The following KHDRBS2 variants were observed in gnomAD, a reference collection of about 807,000 sequenced individuals.
KHDRBS2 encodes the protein KH domain-containing, RNA-binding, signal transduction-associated protein 2.
A neutral mutation model predicts 44.3 loss-of-function variants in KHDRBS2; 26 were observed. The ratio of observed to expected loss-of-function variants is 0.59; its 90% CI spans 0.43 to 0.81. KHDRBS2 has a LOEUF of 0.81. KHDRBS2 is among the 40% of genes least tolerant of loss of function. The pLI, the probability that KHDRBS2 is intolerant of heterozygous loss-of-function variation, is 0.00. For synonymous variants in KHDRBS2, 194 were observed against 151.1 expected (o/e 1.28, Z -2.08); for missense variants, 476 against 433.1 (o/e 1.10, Z -0.88).
intron 4 of KHDRBS2, among the ~76,000 whole-genome samples, chr6:61,911,391 A>G (rs1806023552): frequency 6.6e-6 from 1 of 152,130 alleles, no homozygotes; most frequent in South Asian, 2.1e-4. Context: ...GTTAAAGTGC[A>G]TGTAGATGAC....
chr6:61,710,735 T>G (rs376102814), intron 7 of KHDRBS2, among the ~76,000 whole-genome samples: 161 of 150,494 alleles, frequency 1.1e-3, no homozygotes, highest in African/African-American at 3.8e-3. Flanking sequence ...CCTTTCTCAC[T>G]TGTCTTGTGT....
At chr6:61,836,771 G>A (rs868263209) in intron 6 of KHDRBS2, among the ~76,000 whole-genome samples, 6 of 111,926 alleles carry the variant, frequency 5.4e-5, no homozygotes, top group Middle Eastern at 4.6e-3. Context: ...ACACATACAC[G>A]CATATATACA....
intron 6 of KHDRBS2, among the ~76,000 whole-genome samples, chr6:61,878,426 C>T (rs986704889): frequency 1.3e-5 from 2 of 151,874 alleles, no homozygotes; most frequent in Non-Finnish European, 2.9e-5. Flanking sequence ...CCAAGTGGTT[C>T]CTTGAAGTAT....
chr6:61,746,058 G>A (rs574407221), intron 6 of KHDRBS2, among the ~76,000 whole-genome samples: 2 of 144,450 alleles, frequency 1.4e-5, no homozygotes, highest in Non-Finnish European at 3.2e-5. Context: ...GTTTAGTTTA[G>A]TTTAGTTTAG....
At chr6:61,947,107 A>T (rs1013642586) in intron 4 of KHDRBS2, among the ~76,000 whole-genome samples, 4 of 152,200 alleles carry the variant, frequency 2.6e-5, no homozygotes, top group Non-Finnish European at 5.9e-5. Flanking sequence ...TCTATCTAAA[A>T]CTATATGTCA....
chr6:61,543,785 T>A, the KHDRBS2 span, among the ~76,000 whole-genome samples: 13 of 152,218 alleles, frequency 8.5e-5, no homozygotes, highest in East Asian at 2.1e-3. Context: ...AAGCATGAGA[T>A]CTTGTCGTTT....
chr6:61,736,908 T>C (rs6454687), intron 6 of KHDRBS2, among the ~76,000 whole-genome samples: 8,413 of 152,162 alleles, frequency 0.055, 382 homozygotes, highest in African/African-American at 0.11. Context: ...TTTTCTCTCT[T>C]TTTAGAATTT....
At chr6:61,592,134 C>G in the KHDRBS2 span, among the ~76,000 whole-genome samples, 3 of 140,040 alleles carry the variant, frequency 2.1e-5, no homozygotes, top group African/African-American at 2.7e-5. Flanking sequence ...GAGGCTGCAG[C>G]GAGGCATGAT....
At chr6:62,245,179 TAGA>T (rs1425464999) in intron 1 of KHDRBS2, among the ~76,000 whole-genome samples, 2 of 152,182 alleles carry the variant, frequency 1.3e-5, no homozygotes, top group Admixed American at 1.3e-4. Flanking sequence ...TAATGCTTCC[TAGA>T]AGATTTGCTG....
chr6:61,800,501 C>T (rs2127589293), intron 6 of KHDRBS2, among the ~76,000 whole-genome samples: 1 of 152,220 alleles, frequency 6.6e-6, no homozygotes, highest in Non-Finnish European at 1.5e-5. Flanking sequence ...TGGATCTATA[C>T]TGGGACATAG....
At chr6:61,616,088 G>A in the KHDRBS2 span, among the ~76,000 whole-genome samples, 8 of 152,128 alleles carry the variant, frequency 5.3e-5, no homozygotes, top group African/African-American at 9.7e-5. Context: ...TATCAAAATG[G>A]CATTTCCTTT....
chr6:61,819,138 C>T (rs1789468939), intron 6 of KHDRBS2, among the ~76,000 whole-genome samples: 1 of 151,686 alleles, frequency 6.6e-6, no homozygotes, highest in Non-Finnish European at 1.5e-5. Flanking sequence ...ACTGAGAAAT[C>T]TTTAGCCCTT....
chr6:62,037,606 C>A (rs2127297026), intron 3 of KHDRBS2, among the ~76,000 whole-genome samples: 1 of 152,042 alleles, frequency 6.6e-6, no homozygotes. Flanking sequence ...AAATAGAGGG[C>A]ATTACAAGCT....
chr6:62,188,943 A>G (rs901121420), intron 1 of KHDRBS2, among the ~76,000 whole-genome samples: 2 of 152,024 alleles, frequency 1.3e-5, no homozygotes, highest in African/African-American at 4.8e-5. Context: ...GTGAAACCCC[A>G]TCTCTACTAA....
At chr6:62,248,694 G>GT (rs1483875116) in intron 1 of KHDRBS2, among the ~76,000 whole-genome samples, 4 of 152,034 alleles carry the variant, frequency 2.6e-5, no homozygotes, top group Admixed American at 2.6e-4. Flanking sequence ...TGAGGGCATT[G>GT]TATCTTCATC....
At chr6:61,957,731 A>T (rs917894800) in intron 4 of KHDRBS2, among the ~76,000 whole-genome samples, 1 of 152,112 alleles carries the variant, frequency 6.6e-6, no homozygotes, top group Non-Finnish European at 1.5e-5. Context: ...TGGTCCTGTG[A>T]TCTCACCCTG....
chr6:62,032,256 CA>C (rs1011688862), intron 3 of KHDRBS2, among the ~76,000 whole-genome samples: 2 of 151,964 alleles, frequency 1.3e-5, no homozygotes, highest in African/African-American at 4.8e-5. Context: ...GGGGGAAAGG[CA>C]GACACACCGT....
chr6:61,802,951 A>G (rs557874865), intron 6 of KHDRBS2, among the ~76,000 whole-genome samples: 4 of 152,200 alleles, frequency 2.6e-5, no homozygotes, highest in Admixed American at 6.5e-5. Context: ...ATCCTAATAA[A>G]GAGCAGATAG....
At chr6:61,728,216 T>G (rs1274088377) in intron 7 of KHDRBS2, among the ~76,000 whole-genome samples, 1 of 152,056 alleles carries the variant, frequency 6.6e-6, no homozygotes, top group Non-Finnish European at 1.5e-5. Context: ...ATGTTCTCAT[T>G]TATTAACGGG....
Sources: allele counts gnomAD v4.1 joint callset (sites outside exome capture counted in the v4.1 genomes callset), GRCh38; gene constraint gnomAD v4.1.1; transcripts MANE v1.5; gene names NCBI Gene and HGNC (gene_info 2026-07-23, HGNC 2026-07-21).